Variants in ANO3 observed in about 807,000 individuals in gnomAD.
The protein encoded by ANO3 is anoctamin-3.
Under a neutral mutation model 144.8 loss-of-function variants are expected in ANO3, and 99 were observed. That is an observed-to-expected ratio of 0.68 (90% CI 0.58 to 0.81). The LOEUF is 0.81. Ranked by LOEUF, ANO3 falls within the 30% of genes least tolerant of loss-of-function variation. The pLI, the probability that ANO3 is intolerant of heterozygous loss-of-function variation, is 0.00. For synonymous variants in ANO3, 414 were observed against 392.6 expected, an observed-to-expected ratio of 1.05 and a Z score of -0.64; for missense variants, 905 against 1,202.2, an observed-to-expected ratio of 0.75 and a Z score of 3.66.
At chr11:26,283,321 A>AATAAATATAT (rs1853722604) in intron 1 of ANO3, among the ~76,000 whole-genome samples, 2 of 49,136 alleles carry the variant, frequency 4.1e-5, no homozygotes, top group African/African-American at 6.5e-5. Flanking sequence ...CAAATAAATA[A>AATAAATATAT]ATATATATAT....
intron 17 of ANO3, among the ~76,000 whole-genome samples, chr11:26,603,288 TA>T (rs1382591293): frequency 1.3e-5 from 2 of 152,106 alleles, no homozygotes; most frequent in African/African-American, 4.8e-5. Flanking sequence ...AAGTAATTTT[TA>T]TTTTCTTTAC....
intron 1 of ANO3, among the ~76,000 whole-genome samples, chr11:26,310,193 A>C (rs779064756): frequency 6.6e-6 from 1 of 152,212 alleles, no homozygotes; most frequent in Non-Finnish European, 1.5e-5. Flanking sequence ...ACAGCCATAA[A>C]ATCCCTGAAT....
intron 4 of ANO3, among the ~76,000 whole-genome samples, chr11:26,504,878 G>A (rs1173584524): frequency 1.3e-5 from 2 of 152,142 alleles, no homozygotes; most frequent in Non-Finnish European, 2.9e-5. Context: ...CGGGCGTGGT[G>A]GCGGGCGCCT....
At chr11:26,287,098 C>T (rs904847446) in intron 1 of ANO3, among the ~76,000 whole-genome samples, 1 of 152,098 alleles carries the variant, frequency 6.6e-6, no homozygotes, top group Non-Finnish European at 1.5e-5. Context: ...TGCTTTTCTA[C>T]CAAGTCAGAA....
At chr11:26,459,444 T>G (rs922654915) in intron 3 of ANO3, among the ~76,000 whole-genome samples, 1 of 152,076 alleles carries the variant, frequency 6.6e-6, no homozygotes, top group Non-Finnish European at 1.5e-5. Flanking sequence ...TGAGCTATAA[T>G]TTAAAGACAG....
intron 17 of ANO3, among the ~76,000 whole-genome samples, chr11:26,612,563 G>C (rs1308057376): frequency 4.0e-5 from 6 of 149,762 alleles, no homozygotes; most frequent in Admixed American, 2.7e-4. Flanking sequence ...ATTATTCTCA[G>C]TTCGATTTAT....
intron 1 of ANO3, among the ~76,000 whole-genome samples, chr11:26,269,267 C>T (rs962525509): frequency 6.6e-6 from 1 of 152,162 alleles, no homozygotes; most frequent in African/African-American, 2.4e-5. Context: ...GCCTTTGGCA[C>T]TCACCTCTCA....
At chr11:26,235,206 C>A (rs1402489387) in intron 1 of ANO3, among the ~76,000 whole-genome samples, 2 of 152,152 alleles carry the variant, frequency 1.3e-5, no homozygotes, top group Non-Finnish European at 2.9e-5. Flanking sequence ...TAATGTTTAA[C>A]CAGGTATCTG....
intron 4 of ANO3, among the ~76,000 whole-genome samples, chr11:26,471,972 T>C (rs1485794122): frequency 6.6e-6 from 1 of 151,968 alleles, no homozygotes; most frequent in Non-Finnish European, 1.5e-5. Context: ...CCCTGAAGGA[T>C]GTTAGCTCTA....
intron 1 of ANO3, among the ~76,000 whole-genome samples, chr11:26,378,094 T>C (rs1856464536): frequency 6.6e-6 from 1 of 151,956 alleles, no homozygotes; most frequent in Non-Finnish European, 1.5e-5. Flanking sequence ...ACACTTAGAC[T>C]GAAGGCCTGA....
At chr11:26,286,748 G>A (rs888393663) in intron 1 of ANO3, among the ~76,000 whole-genome samples, 3 of 152,136 alleles carry the variant, frequency 2.0e-5, no homozygotes, top group Admixed American at 2.0e-4. Context: ...TAGACACAAA[G>A]CTCCTCAAAT....
At chr11:26,530,550 G>A (rs1303487015) in intron 7 of ANO3, among the ~76,000 whole-genome samples, 7 of 98,552 alleles carry the variant, frequency 7.1e-5, no homozygotes, top group East Asian at 3.6e-4. Context: ...AATATATTTT[G>A]CGCTTAAAAA....
At chr11:26,195,746 G>T (rs532508730) in intron 1 of ANO3, among the ~76,000 whole-genome samples, 1 of 152,056 alleles carries the variant, frequency 6.6e-6, no homozygotes, top group Admixed American at 6.6e-5. Flanking sequence ...ACTCCCAAGG[G>T]TCATCATTAC....
intron 4 of ANO3, among the ~76,000 whole-genome samples, chr11:26,491,338 G>A (rs1383894513): frequency 6.6e-6 from 1 of 152,160 alleles, no homozygotes; most frequent in Non-Finnish European, 1.5e-5. Context: ...CTAGGCACTA[G>A]ACCAAGGACC....
Position 26,232,636 on chromosome 11 carries a change from A to T in ANO3, c.154+43306A>T, listed in dbSNP as rs537382790. Among the ~76,000 whole-genome samples, 21 of 152,278 alleles carry T rather than the reference A, an allele frequency of 1.4e-4. No homozygotes were observed. In the East Asian group the frequency reaches 3.5e-3, roughly 25 times the overall value. On this transcript the variant is annotated intron_variant, in intron 1 of 27. Transcript: ENST00000672621. ...CACCTTATACAAAAATTAACTCAAG[A>T]TGGATTAAAGACTTAAATGTAAAAC...
At chr11:26,401,153 C>T (rs1298865664) in intron 1 of ANO3, among the ~76,000 whole-genome samples, 1 of 152,040 alleles carries the variant, frequency 6.6e-6, no homozygotes, top group Non-Finnish European at 1.5e-5. Context: ...GTCACTGGAA[C>T]TTAACATATA....
intron 1 of ANO3, among the ~76,000 whole-genome samples, chr11:26,365,218 T>G (rs565958406): frequency 6.6e-6 from 1 of 152,344 alleles, no homozygotes; most frequent in East Asian, 1.9e-4. Flanking sequence ...ATGCAGGGGC[T>G]GGGCCCACAA....
At chr11:26,392,431 G>A (rs1035701419) in intron 1 of ANO3, among the ~76,000 whole-genome samples, 1 of 151,964 alleles carries the variant, frequency 6.6e-6, no homozygotes, top group Non-Finnish European at 1.5e-5. Context: ...GGTATAAATT[G>A]TGGAAGGCTT....
intron 1 of ANO3, among the ~76,000 whole-genome samples, chr11:26,358,887 T>A (rs1004662799): frequency 6.6e-6 from 1 of 152,220 alleles, no homozygotes; most frequent in African/African-American, 2.4e-5. Context: ...GTATGGTTTT[T>A]CTCATAAAAT....
Sources: allele counts gnomAD v4.1 joint callset (sites outside exome capture counted in the v4.1 genomes callset), GRCh38; gene constraint gnomAD v4.1.1; transcripts MANE v1.5; gene names NCBI Gene and HGNC (gene_info 2026-07-23, HGNC 2026-07-21).